WDR70: variants seen among roughly 807,000 people sequenced by gnomAD.
WDR70 encodes the protein WD repeat domain 70.
In WDR70, 53 loss-of-function variants were observed where a neutral mutation model predicts 88.6. That is an observed-to-expected ratio of 0.60 (90% CI 0.48 to 0.75). The LOEUF is 0.75. Ranked by LOEUF, WDR70 falls within the 30% of genes least tolerant of loss-of-function variation. The pLI is 0.00. For missense variants in WDR70, 610 were observed against 823.2 expected (o/e 0.74, Z 3.17); for synonymous variants, 280 against 270.0 (o/e 1.04, Z -0.36).
chr5:37,624,676 G>A (rs550187059), intron 10 of WDR70, among the ~76,000 whole-genome samples: 32 of 152,238 alleles, frequency 2.1e-4, no homozygotes, highest in Admixed American at 1.0e-3. Flanking sequence ...GGGAGCCTTC[G>A]GAATGAAGAT....
Position 37,463,190 on chromosome 5 carries a change from G to A in WDR70, c.687-16644G>A, listed in dbSNP as rs183362682. Among the ~76,000 whole-genome samples the A allele has an allele frequency of 3.2e-3, 491 of 152,094 alleles. 4 individuals are homozygous for A. The highest frequency in any genetic ancestry group is 0.011 in the African/African-American group (467 of 41,480). On this transcript the variant is annotated intron_variant, in intron 7 of 17. Transcript: ENST00000265107. ...AGGAGGCTGAAGCAGGAGAATTGCT[G>A]GAACCCAGGAGGTGGTGGTTGCAGT...
intron 10 of WDR70, among the ~76,000 whole-genome samples, chr5:37,657,245 G>A (rs1745579867): frequency 6.6e-6 from 1 of 152,116 alleles, no homozygotes; most frequent in Non-Finnish European, 1.5e-5. Context: ...CTTGGCCAGG[G>A]GAGGTAGTTT....
chr5:37,427,224 C>G (rs896005314), intron 5 of WDR70, among the ~76,000 whole-genome samples: 1 of 151,976 alleles, frequency 6.6e-6, no homozygotes, highest in African/African-American at 2.4e-5. Flanking sequence ...CCCGTCTCTA[C>G]TAAAAATACA....
intron 8 of WDR70, among the ~76,000 whole-genome samples, chr5:37,488,614 A>ATTTC (rs1215817683): frequency 8.5e-6 from 1 of 117,610 alleles, no homozygotes; most frequent in East Asian, 2.5e-4. Flanking sequence ...TGTATTTTTT[A>ATTTC]TTTCGTTTAT....
At chr5:37,467,295 G>A (rs1309798520) in intron 7 of WDR70, among the ~76,000 whole-genome samples, 1 of 151,600 alleles carries the variant, frequency 6.6e-6, no homozygotes, top group Non-Finnish European at 1.5e-5. Context: ...GGAAGTGCAA[G>A]ATCAAAGTGT....
chr5:37,450,029 A>G (rs1738627899), intron 7 of WDR70, among the ~76,000 whole-genome samples: 1 of 152,168 alleles, frequency 6.6e-6, no homozygotes, highest in Non-Finnish European at 1.5e-5. Flanking sequence ...TAGTTTGCTG[A>G]GAATGATGGT....
At chr5:37,666,142 T>A (rs974570537) in intron 10 of WDR70, among the ~76,000 whole-genome samples, 1 of 152,210 alleles carries the variant, frequency 6.6e-6, no homozygotes, top group Non-Finnish European at 1.5e-5. Context: ...TCTAGGCAGG[T>A]CATTCCACGG....
chr5:37,672,102 T>C (rs1320663661), intron 10 of WDR70, among the ~76,000 whole-genome samples: 7 of 152,172 alleles, frequency 4.6e-5, no homozygotes, highest in Non-Finnish European at 1.0e-4. Context: ...TGTGCCTTGT[T>C]AACAATATGT....
intron 10 of WDR70, among the ~76,000 whole-genome samples, chr5:37,648,777 G>A (rs1416629838): frequency 2.0e-5 from 3 of 152,114 alleles, no homozygotes; most frequent in Admixed American, 1.3e-4. Context: ...AGTAAATTGA[G>A]TTTTCAAATG....
intron 10 of WDR70, among the ~76,000 whole-genome samples, chr5:37,670,928 A>G (rs991229567): frequency 1.3e-5 from 2 of 152,206 alleles, no homozygotes; most frequent in African/African-American, 4.8e-5. Context: ...AAGCACCTTT[A>G]TATGACAGTT....
At chr5:37,746,335 A>C (rs1447701917) in intron 17 of WDR70, among the ~76,000 whole-genome samples, 3 of 152,212 alleles carry the variant, frequency 2.0e-5, no homozygotes, top group African/African-American at 7.2e-5. Context: ...GAAAGATCTC[A>C]AAACGACACC....
intron 9 of WDR70, among the ~76,000 whole-genome samples, chr5:37,578,353 A>G (rs1743116590): frequency 6.6e-6 from 1 of 152,138 alleles, no homozygotes; most frequent in Admixed American, 6.5e-5. Flanking sequence ...ACTCTGTACT[A>G]GGGCATTGCC....
chr5:37,596,212 A>G (rs1743695540), intron 9 of WDR70, among the ~76,000 whole-genome samples: 1 of 152,186 alleles, frequency 6.6e-6, no homozygotes, highest in Non-Finnish European at 1.5e-5. Flanking sequence ...GGGCTAGGGA[A>G]ACAGTACACA....
At chr5:37,383,908 T>C (rs937208900) in intron 3 of WDR70, among the ~76,000 whole-genome samples, 22 of 152,248 alleles carry the variant, frequency 1.4e-4, no homozygotes, top group African/African-American at 4.1e-4. Context: ...ATGTGAAATT[T>C]CAAACACGGA....
chr5:37,688,345 C>T (rs1488928085), intron 10 of WDR70, among the ~76,000 whole-genome samples: 1 of 152,144 alleles, frequency 6.6e-6, no homozygotes, highest in African/African-American at 2.4e-5. Context: ...GTTCCTGGCC[C>T]AGTGCCCTTT....
intron 10 of WDR70, among the ~76,000 whole-genome samples, chr5:37,689,976 C>T (rs191941853): frequency 2.2e-4 from 33 of 152,218 alleles, no homozygotes; most frequent in African/African-American, 6.5e-4. Flanking sequence ...AAAGGTTAGA[C>T]GAATGGCTAA....
chr5:37,653,467 G>T (rs1011581217), intron 10 of WDR70, among the ~76,000 whole-genome samples: 3 of 152,164 alleles, frequency 2.0e-5, no homozygotes, highest in Non-Finnish European at 4.4e-5. Flanking sequence ...ATGAGTTAGG[G>T]AGGAGTCCCT....
chr5:37,451,467 G>A (rs2112079973), intron 7 of WDR70, among the ~76,000 whole-genome samples: 1 of 152,250 alleles, frequency 6.6e-6, no homozygotes, highest in East Asian at 1.9e-4. Context: ...CTAAGGAACT[G>A]AAATTTCTTA....
intron 10 of WDR70, among the ~76,000 whole-genome samples, chr5:37,614,028 A>G (rs1007409707): frequency 2.7e-4 from 41 of 152,204 alleles, no homozygotes; most frequent in Admixed American, 2.4e-3. Context: ...TTATTTTTCT[A>G]TGGCTGCTGC....
Sources: gnomAD v4.1 joint callset for allele counts (sites outside exome capture counted in the v4.1 genomes callset) on GRCh38, gnomAD v4.1.1 for gene constraint, MANE v1.5 for transcripts, NCBI Gene and HGNC (gene_info 2026-07-23, HGNC 2026-07-21) for gene names.